CYTH3: variants seen among roughly 807,000 people sequenced by gnomAD.
CYTH3 encodes the protein cytohesin 3.
Under a neutral mutation model 55.1 loss-of-function variants are expected in CYTH3, and 23 were observed. The observed-to-expected ratio is 0.42, with a 90% CI of 0.30 to 0.59. The LOEUF (loss-of-function observed/expected upper bound fraction) is 0.59, where lower values mean the gene tolerates loss of function less well. Ranked by LOEUF, CYTH3 falls within the 20% of genes least tolerant of loss-of-function variation. CYTH3 has a pLI of 0.20. For missense variants in CYTH3, 413 were observed against 524.8 expected, an observed-to-expected ratio of 0.79 and a Z score of 2.08; for synonymous variants, 249 against 194.9, an observed-to-expected ratio of 1.28 and a Z score of -2.31.
intron 4 of CYTH3, among the ~76,000 whole-genome samples, chr7:6,180,215 G>A (rs1339568999): frequency 6.6e-6 from 1 of 152,208 alleles, no homozygotes; most frequent in Non-Finnish European, 1.5e-5. Flanking sequence ...GCCACTGTCA[G>A]CTGAAGCCCA....
chr7:6,246,921 G>C (rs1779834793), intron 1 of CYTH3, among the ~76,000 whole-genome samples: 4 of 150,952 alleles, frequency 2.6e-5, no homozygotes, highest in Admixed American at 1.3e-4. Flanking sequence ...GCATTCTTGA[G>C]TTATTCAAAC....
intron 1 of CYTH3, among the ~76,000 whole-genome samples, chr7:6,268,224 A>T (rs1780555064): frequency 6.6e-6 from 1 of 152,174 alleles, no homozygotes; most frequent in South Asian, 2.1e-4. Flanking sequence ...ACTGGAATGC[A>T]GTGGCGCAAT....
chr7:6,165,312 G>C lies in CYTH3; in HGVS notation c.1088C>G (p.Pro363Arg), dbSNP rs746044558. The stretch of plus-strand genomic sequence containing the variant: ...CCACTCCTCCTTCTCCTCCGGGCTC[G>C]GGGCTGAGATCCGGTACACCACATG... ...GNHVVYRISA[P>R]SPEEKEEWMK... Residue 363 changes from proline to arginine, a missense_variant, in exon 12 of 13, where the codon CCG (proline) becomes CGG (arginine). By Grantham distance (103) the Pro-to-Arg change is moderately radical (BLOSUM62 -2). Transcript: ENST00000350796. 1.5e-5 allele frequency: 25 copies of C among 1,613,834 alleles called. No individual in the cohort carries two copies. The highest frequency in any genetic ancestry group is 4.5e-5 in the East Asian group (2 of 44,870).
intron 1 of CYTH3, among the ~76,000 whole-genome samples, chr7:6,200,843 C>T (rs937285511): frequency 5.9e-5 from 9 of 152,222 alleles, no homozygotes; most frequent in African/African-American, 1.9e-4. Flanking sequence ...GCAGCCTCAG[C>T]GTCCCAAACT....
At position 6,165,325 on chromosome 7, in the gene CYTH3, G is replaced by A. The variant is rs948442724; in HGVS notation, c.1075C>T (p.Arg359Trp). The A allele has an allele frequency of 1.9e-6, 3 of 1,614,082 alleles. No individual in the cohort carries two copies. Among genetic ancestry groups the A allele is most frequent in the Non-Finnish European group, 2.5e-6 (3 of 1,180,018 alleles). Reference sequence around the variant, plus strand: ...TCCTCCGGGCTCGGGGCTGAGATCCGGTACACCACATGGTTCCCCTCTACC... The same window carrying A: ...TCCTCCGGGCTCGGGGCTGAGATCCAGTACACCACATGGTTCCCCTCTACC... ...RVVEGNHVVY[R>W]ISAPSPEEKE... The change falls in exon 12 of 13, where the codon CGG (arginine) becomes TGG (tryptophan). Residue 359 changes from arginine (R) to tryptophan (W), a missense_variant. By Grantham distance (101) the Arg-to-Trp change is moderately radical. Transcript: ENST00000350796.
chr7:6,202,403 G>C (rs981987680), intron 1 of CYTH3, among the ~76,000 whole-genome samples: 1 of 151,984 alleles, frequency 6.6e-6, no homozygotes, highest in Admixed American at 6.6e-5. Context: ...AGAGCAGCAC[G>C]TGAACCGCCA....
chr7:6,254,095 T>C (rs548350240), intron 1 of CYTH3, among the ~76,000 whole-genome samples: 51 of 152,126 alleles, frequency 3.4e-4, no homozygotes, highest in African/African-American at 1.2e-3. Context: ...GGCAGGAGAA[T>C]CACGTGAACC....
chr7:6,170,914 C>A lies in CYTH3; in HGVS notation c.627G>T (p.Val209=). 1 of 1,614,012 alleles carries A rather than the reference C, an allele frequency of 6.2e-7. No homozygotes were observed. The change falls in exon 8 of 13, where the codon GTG becomes GTT. Residue 209 remains valine, a synonymous_variant. Coordinates refer to ENST00000350796, the MANE Select transcript of CYTH3 (RefSeq NM_004227.4). This position sits in a 1 kb window ranked among gnomAD's most constrained non-coding sequence, Gnocchi z 7.8. ...MLNTSLHNHN[V]RDKPTAERFI... is the part of the protein sequence containing the mutation. ...ACCGTTCTGCCGTGGGCTTGTCACG[C>A]ACGTTGTGGTTGTGGAGGCTGGTGT...
At position 6,173,694 on chromosome 7, in the gene CYTH3, T is replaced by C. The variant is rs1210827287; in HGVS notation, c.408A>G (p.Glu136=). Residue 136 remains glutamate (E), a synonymous_variant, in exon 6 of 13, where the codon GAA becomes GAG. Coordinates refer to ENST00000350796, the MANE Select transcript of CYTH3 (RefSeq NM_004227.4). ...GGTTGAGATCAGCAAACTCATGGAG[T>C]TCAACAAAGGCTTGAAGAACTTTAA... ...FNIKVLQAFV[E]LHEFADLNLV... is the part of the protein sequence containing the mutation. The C allele has an allele frequency of 1.2e-6, 2 of 1,612,242 alleles. No homozygotes were observed. Among genetic ancestry groups the C allele is most frequent in the Admixed American group, 1.7e-5 (1 of 60,024 alleles).
At chr7:6,267,636 G>A (rs1318232796) in intron 1 of CYTH3, among the ~76,000 whole-genome samples, 1 of 152,158 alleles carries the variant, frequency 6.6e-6, no homozygotes, top group Non-Finnish European at 1.5e-5. Context: ...CAATTCTCCT[G>A]CCTCAGCCTC....
intron 1 of CYTH3, among the ~76,000 whole-genome samples, chr7:6,205,009 T>C (rs1206581972): frequency 6.6e-6 from 1 of 151,788 alleles, no homozygotes; most frequent in Non-Finnish European, 1.5e-5. Context: ...CTATTAAAAA[T>C]ACAAAAATTA....
At chr7:6,179,981 T>C (rs373709119) in intron 4 of CYTH3, among the ~76,000 whole-genome samples, 2 of 150,772 alleles carry the variant, frequency 1.3e-5, no homozygotes, top group African/African-American at 2.4e-5. Flanking sequence ...AGAGGCCTAA[T>C]GCAGCCCAAG....
intron 1 of CYTH3, among the ~76,000 whole-genome samples, chr7:6,230,662 T>C (rs139218881): frequency 6.4e-4 from 97 of 152,218 alleles, no homozygotes; most frequent in African/African-American, 2.3e-3. Flanking sequence ...ATAATGACAA[T>C]GTAAACCTTT....
chr7:6,260,120 C>T (rs1247871860), intron 1 of CYTH3, among the ~76,000 whole-genome samples: 1 of 151,456 alleles, frequency 6.6e-6, no homozygotes, highest in Admixed American at 6.6e-5. Flanking sequence ...TGTGCCACCG[C>T]GCCCAGCCAA....
At chr7:6,234,579 A>G (rs948676859) in intron 1 of CYTH3, among the ~76,000 whole-genome samples, 3 of 152,198 alleles carry the variant, frequency 2.0e-5, no homozygotes, top group African/African-American at 7.2e-5. Flanking sequence ...GCTCATGAAG[A>G]GGGCTGGTCT....
chr7:6,257,872 G>C (rs1317891021), intron 1 of CYTH3, among the ~76,000 whole-genome samples: 1 of 152,128 alleles, frequency 6.6e-6, no homozygotes, highest in African/African-American at 2.4e-5. Flanking sequence ...TCCTGGGTGG[G>C]TGAAATTCAG....
At chr7:6,185,616 T>C (rs12666407) in intron 4 of CYTH3, among the ~76,000 whole-genome samples, 3 of 149,922 alleles carry the variant, frequency 2.0e-5, no homozygotes, top group South Asian at 2.1e-4. Flanking sequence ...AGGAGAATGG[T>C]GTGAACCCGG....
intron 1 of CYTH3, among the ~76,000 whole-genome samples, chr7:6,234,720 C>G (rs1274152230): frequency 2.0e-5 from 3 of 152,170 alleles, no homozygotes; most frequent in Non-Finnish European, 4.4e-5. Context: ...CCCTCCAGCT[C>G]TCCCACCGCG....
intron 1 of CYTH3, among the ~76,000 whole-genome samples, chr7:6,196,862 T>C (rs1363631052): frequency 6.6e-6 from 1 of 152,254 alleles, no homozygotes; most frequent in East Asian, 1.9e-4. Flanking sequence ...TCAAATCAAG[T>C]CTGTCAACAA....
Sources: gnomAD v4.1 joint callset for allele counts (sites outside exome capture counted in the v4.1 genomes callset) on GRCh38, gnomAD v4.1.1 for gene constraint, Gnocchi (gnomAD v3.1) non-coding constraint, MANE v1.5 for transcripts, NCBI Gene and HGNC (gene_info 2026-07-23, HGNC 2026-07-21) for gene names.